Variants in HSD11B1 observed in about 807,000 individuals in gnomAD.
HSD11B1 encodes 11-beta-hydroxysteroid dehydrogenase 1.
In HSD11B1, 15 loss-of-function variants were observed where a neutral mutation model predicts 22.1. That is an observed-to-expected ratio of 0.68 (90% CI 0.45 to 1.04). HSD11B1 has a LOEUF of 1.04. Among genes scored for constraint, HSD11B1 ranks in the 50% least tolerant of loss-of-function variants. The probability of loss-of-function intolerance (pLI) is 0.00; values close to 1 mark genes in which losing one functional copy is unlikely to be tolerated. For synonymous variants in HSD11B1, 122 were observed against 125.2 expected (o/e 0.97, Z 0.17); for missense variants, 281 against 357.6 (o/e 0.79, Z 1.73).
upstream of HSD11B1, among the ~76,000 whole-genome samples, chr1:209,704,619 T>G (rs944766172): frequency 6.6e-6 from 1 of 152,214 alleles, no homozygotes; most frequent in Admixed American, 6.5e-5. Flanking sequence ...AAGAGTAAGA[T>G]GGACTCGGGT....
chr1:209,723,483 C>T (rs2076981070), intron 4 of HSD11B1, among the ~76,000 whole-genome samples: 1 of 152,290 alleles, frequency 6.6e-6, no homozygotes, highest in Middle Eastern at 3.4e-3. Flanking sequence ...TGCGCAGGTC[C>T]TCCCTGAGCC....
chr1:209,698,992 G>C (rs2076809935), intron 1 of HSD11B1, among the ~76,000 whole-genome samples: 1 of 152,082 alleles, frequency 6.6e-6, no homozygotes, highest in Non-Finnish European at 1.5e-5. Flanking sequence ...CATTCTCCCA[G>C]ATCCACGATT....
intron 4 of HSD11B1, among the ~76,000 whole-genome samples, chr1:209,730,183 C>A (rs2077027012): frequency 6.6e-6 from 1 of 152,138 alleles, no homozygotes; most frequent in Non-Finnish European, 1.5e-5. Flanking sequence ...AGAAAGAAGT[C>A]AAAAACCTCA....
intron 4 of HSD11B1, among the ~76,000 whole-genome samples, chr1:209,718,473 A>G (rs1471740593): frequency 1.3e-5 from 2 of 152,190 alleles, no homozygotes; most frequent in Non-Finnish European, 2.9e-5. Flanking sequence ...GAGATGCTAA[A>G]CATCATTAAT....
Position 209,697,883 on chromosome 1 carries a change from C to CTTTTT in HSD11B1, c.-48-7012_-48-7011insTTTTT, listed in dbSNP as rs1558187212. On this transcript the variant is annotated intron_variant, in intron 1 of 6. Coordinates refer to the HSD11B1 transcript ENST00000261465. ...TGAATGATTAATGGTTTTGTTTTTT[C>CTTTTT]CTTTTTTTTTTTTTTTTTTTTTTTT... 6.8e-4 allele frequency among the ~76,000 whole-genome samples: 15 copies of CTTTTT among 21,910 alleles called. 1 individual carries two copies. Among genetic ancestry groups the CTTTTT allele is most frequent in the African/African-American group, 1.3e-3 (15 of 11,982 alleles). The allele number at this position is 21,910 out of a possible 152,430, so 14.4% of individuals were successfully genotyped here. A position where few individuals can be genotyped will look rare whatever the true frequency, so the allele number is the denominator to read the frequency against.
chr1:209,731,938 T>A (rs1052974489), intron 4 of HSD11B1, among the ~76,000 whole-genome samples: 1 of 152,120 alleles, frequency 6.6e-6, no homozygotes, highest in Non-Finnish European at 1.5e-5. Flanking sequence ...AACTCCTGAC[T>A]TCAAGTGATC....
intron 4 of HSD11B1, among the ~76,000 whole-genome samples, chr1:209,714,881 T>C (rs968235433): frequency 6.6e-6 from 1 of 152,094 alleles, no homozygotes; most frequent in Non-Finnish European, 1.5e-5. Flanking sequence ...CATCCTCACA[T>C]GGGGCAGCAG....
At chr1:209,700,357 AAG>A (rs1429692211), upstream of HSD11B1, among the ~76,000 whole-genome samples, 2 of 152,218 alleles carry the variant, frequency 1.3e-5, no homozygotes, top group Non-Finnish European at 2.9e-5. Flanking sequence ...CACCACGCGG[AAG>A]CTTCCAAGGC....
chr1:209,726,944 C>G (rs2102396863), intron 4 of HSD11B1, among the ~76,000 whole-genome samples: 1 of 152,266 alleles, frequency 6.6e-6, no homozygotes, highest in South Asian at 2.1e-4. Flanking sequence ...TTATTGTCAT[C>G]TAGGGGTGTG....
At chr1:209,730,747 C>T (rs932004179) in intron 4 of HSD11B1, among the ~76,000 whole-genome samples, 1 of 152,294 alleles carries the variant, frequency 6.6e-6, no homozygotes, top group Non-Finnish European at 1.5e-5. Context: ...ATAACCCATC[C>T]TTTCTTCATT....
At chr1:209,732,971 G>A (rs906111549) in intron 5 of HSD11B1, among the ~76,000 whole-genome samples, 3 of 152,150 alleles carry the variant, frequency 2.0e-5, no homozygotes, top group Non-Finnish European at 4.4e-5. Context: ...AGTGCAGAAA[G>A]CACTAGCTCT....
chr1:209,705,550 T>A (rs1217840664), intron 1 of HSD11B1, among the ~76,000 whole-genome samples: 3 of 152,208 alleles, frequency 2.0e-5, no homozygotes, highest in Non-Finnish European at 4.4e-5. Context: ...ATGACTTTTC[T>A]GGCTTCATCC....
At chr1:209,689,382 A>G (rs1287218188) in intron 1 of HSD11B1, among the ~76,000 whole-genome samples, 1 of 152,214 alleles carries the variant, frequency 6.6e-6, no homozygotes, top group East Asian at 1.9e-4. Context: ...CCTACAGTGA[A>G]GTCCAAAAAT....
chr1:209,718,516 G>T (rs2076944270), intron 4 of HSD11B1, among the ~76,000 whole-genome samples: 1 of 152,072 alleles, frequency 6.6e-6, no homozygotes, highest in Non-Finnish European at 1.5e-5. Context: ...ACTACAATGA[G>T]ATACCACCTC....
intron 1 of HSD11B1, among the ~76,000 whole-genome samples, chr1:209,694,991 C>A (rs2076781962): frequency 6.6e-6 from 1 of 152,134 alleles, no homozygotes; most frequent in African/African-American, 2.4e-5. Flanking sequence ...GAGGGAAGGA[C>A]CTGGTGGGAG....
chr1:209,729,928 T>A (rs1475725363), intron 4 of HSD11B1, among the ~76,000 whole-genome samples: 1 of 152,136 alleles, frequency 6.6e-6, no homozygotes, highest in African/African-American at 2.4e-5. Context: ...AAATGCAATA[T>A]CCCTTCATAA....
chr1:209,710,698 G>A (rs1414522832), intron 4 of HSD11B1, among the ~76,000 whole-genome samples: 1 of 152,122 alleles, frequency 6.6e-6, no homozygotes, highest in Non-Finnish European at 1.5e-5. Flanking sequence ...ATATTTTGAA[G>A]TGAAACTGGA....
At position 209,729,363 on chromosome 1, in the gene HSD11B1, A is replaced by AACACACACACACACAC. The variant is rs34574844; in HGVS notation, c.518-3057_518-3042dup. ...AACAGAGCAAGACTCTGCCTCGGAAAACACACACACACACACACACACACA... is the reference window on the plus strand; with the variant it reads ...AACAGAGCAAGACTCTGCCTCGGAAAACACACACACACACACACACACACACACACACACACACACA... On this transcript the variant is annotated intron_variant, in intron 4 of 5. Coordinates refer to ENST00000367027, the MANE Select transcript of HSD11B1 (RefSeq NM_005525.4). Among the ~76,000 whole-genome samples the AACACACACACACACAC allele has an allele frequency of 3.7e-3, 545 of 146,408 alleles. 3 individuals carry two copies. The highest frequency in any genetic ancestry group is 0.011 in the Middle Eastern group (3 of 284).
chr1:209,698,965 T>G (rs545803511), intron 1 of HSD11B1, among the ~76,000 whole-genome samples: 1 of 152,220 alleles, frequency 6.6e-6, no homozygotes, highest in East Asian at 1.9e-4. Context: ...AGAGGGCAAT[T>G]TATCCCATGC....
Sources: gnomAD v4.1 joint callset for allele counts (sites outside exome capture counted in the v4.1 genomes callset) on GRCh38, gnomAD v4.1.1 for gene constraint, MANE v1.5 for transcripts, NCBI Gene and HGNC (gene_info 2026-07-23, HGNC 2026-07-21) for gene names.